RBM4B: variants seen among roughly 807,000 people sequenced by gnomAD.
The protein encoded by RBM4B is RNA-binding protein 4B.
RBM4B carries 13 observed loss-of-function variants against 28.5 expected under a neutral mutation model. The ratio of observed to expected loss-of-function variants is 0.46; its 90% CI spans 0.30 to 0.72. The LOEUF (loss-of-function observed/expected upper bound fraction) is 0.72, where lower values mean the gene tolerates loss of function less well. Among genes scored for constraint, RBM4B ranks in the 30% least tolerant of loss-of-function variants. RBM4B has a pLI of 0.09. For synonymous variants in RBM4B, 167 were observed against 179.1 expected (o/e 0.93, Z 0.54); for missense variants, 387 against 477.6 (o/e 0.81, Z 1.77).
intron 3 of RBM4B, chr11:66,666,199 A>C: frequency 1.2e-6 from 1 of 860,762 alleles, no homozygotes; most frequent in South Asian, 2.4e-5. Flanking sequence ...TCATTCCTAG[A>C]ATTCTCTAAT....
At chr11:66,673,419 CAT>C (rs1939532990) in intron 2 of RBM4B, among the ~76,000 whole-genome samples, 8 of 152,182 alleles carry the variant, frequency 5.3e-5, no homozygotes, top group Admixed American at 5.2e-4. Context: ...CAGCCATTAA[CAT>C]ATAGAAATAA....
chr11:66,677,213 T>G, intron 1 of RBM4B, 122 bp from the exon 2 acceptor site: 9 of 1,227,080 alleles, frequency 7.3e-6, no homozygotes, highest in Non-Finnish European at 9.1e-6. Flanking sequence ...CAGACATTCA[T>G]TATTCTTCCT....
At chr11:66,675,999 A>T (rs189884109) in intron 2 of RBM4B, 1 of 152,802 alleles carries the variant, frequency 6.5e-6, no homozygotes, top group African/African-American at 2.4e-5. Context: ...CGATGCTTGT[A>T]CTGAAATTTC....
intron 2 of RBM4B, among the ~76,000 whole-genome samples, chr11:66,674,150 CT>C (rs1326098144): frequency 6.6e-6 from 1 of 151,568 alleles, no homozygotes; most frequent in Non-Finnish European, 1.5e-5. Context: ...CCTAAGCCAA[CT>C]CCCCCCAATT....
In RBM4B at chr11:66,668,939, T is replaced by C; in HGVS notation, c.765A>G (p.Gln255=). Residue 255 remains glutamine, a synonymous_variant, in exon 3 of 4, where the codon CAA becomes CAG. Coordinates refer to ENST00000310046, the MANE Select transcript of RBM4B (RefSeq NM_031492.4). The part of the protein sequence containing the change: ...EQTMSHLPQV[Q]STTVTSHLNS... ...TGAGGTGGCTGGTCACAGTTGTGCT[T>C]TGGACTTGAGGCAGATGGGACATGG... 6.2e-7 allele frequency: 1 copy of C among 1,614,132 alleles called. No individual in the cohort carries two copies.
chr11:66,665,630 G>A, intron 3 of RBM4B, 52 bp from the exon 4 acceptor site: 4 of 1,535,410 alleles, frequency 2.6e-6, no homozygotes, highest in Non-Finnish European at 2.6e-6. Context: ...AGAGCAGCCT[G>A]GCTCCGCGTA....
At chr11:66,671,708 T>C (rs1036666469) in intron 2 of RBM4B, among the ~76,000 whole-genome samples, 2 of 152,076 alleles carry the variant, frequency 1.3e-5, no homozygotes, top group Admixed American at 6.6e-5. Context: ...CTCTGTGTAG[T>C]TGTGAAAAGG....
Position 66,669,213 on chromosome 11 carries a change from C to T in RBM4B, c.491G>A (p.Arg164Gln), listed in dbSNP as rs145285259. The change falls in exon 3 of 4, where the codon CGG becomes CAG. Residue 164 changes from arginine to glutamine, a missense_variant. Physicochemically the swap from Arg to Gln is conservative, Grantham distance 43. Transcript: ENST00000310046. The part of the protein sequence containing the change: ...PGMGDQSGCY[R>Q]CGKEGHWSKE... ...GGACCAGTGCCCTTCTTTCCCACAC[C>T]GATAGCAGCCACTCTGGTCTCCCAT... 18 of 1,614,062 alleles carry T rather than the reference C, an allele frequency of 1.1e-5. No homozygotes were observed. The highest frequency in any genetic ancestry group is 1.0e-4 in the Admixed American group (6 of 59,996).
chr11:66,674,287 G>C (rs1939570137), intron 2 of RBM4B, among the ~76,000 whole-genome samples: 1 of 145,234 alleles, frequency 6.9e-6, no homozygotes, highest in Non-Finnish European at 1.5e-5. Context: ...ACAGTGGCAT[G>C]ATCTCGGCTC....
chr11:66,674,817 G>A (rs1242656161), intron 2 of RBM4B, among the ~76,000 whole-genome samples: 2 of 152,042 alleles, frequency 1.3e-5, no homozygotes, highest in African/African-American at 4.8e-5. Context: ...TGATCCACCC[G>A]CCTTGGCCTC....
intron 1 of RBM4B, chr11:66,677,356 G>C (rs924040225): frequency 3.8e-6 from 2 of 520,788 alleles, no homozygotes; most frequent in Non-Finnish European, 6.8e-6. Flanking sequence ...ACCAGAATTA[G>C]CTGCTTCATG....
chr11:66,674,221 TTTTC>T (rs781025012), intron 2 of RBM4B, among the ~76,000 whole-genome samples: 34 of 150,082 alleles, frequency 2.3e-4, no homozygotes, highest in Non-Finnish European at 2.4e-4. Flanking sequence ...TTTCTTTTTC[TTTTC>T]TTTCTTTTTT....
chr11:66,671,109 C>T (rs1327387714), intron 2 of RBM4B: 6 of 682,410 alleles, frequency 8.8e-6, no homozygotes, highest in Non-Finnish European at 1.6e-5. Flanking sequence ...TCAAAGAGTC[C>T]TATCACTCCA....
chr11:66,670,894 TC>T (rs1565094456), intron 2 of RBM4B: 2 of 701,534 alleles, frequency 2.9e-6, no homozygotes, highest in Non-Finnish European at 2.6e-6. Flanking sequence ...TGAGAACAAA[TC>T]CCCCCTCTGC....
At position 66,676,969 on chromosome 11, in the gene RBM4B, G is replaced by A. The variant is rs1939658960; in HGVS notation, c.111C>T (p.Tyr37=). Residue 37 remains tyrosine, a synonymous_variant, in exon 2 of 4, where the codon TAC becomes TAT. Coordinates refer to ENST00000310046, the MANE Select transcript of RBM4B (RefSeq NM_031492.4). ...TCTTGTCTTCTATGTGCACAAAGCC[G>A]TAATTCTTAATGATGTCACATTCCA... is the stretch of plus-strand genomic sequence containing the variant. The part of the protein sequence containing the change: ...KVLECDIIKN[Y]GFVHIEDKTA... 1.9e-6 allele frequency: 3 copies of A among 1,614,148 alleles called. No homozygotes were observed. The highest frequency in any genetic ancestry group is 2.5e-6 in the Non-Finnish European group (3 of 1,180,024).
intron 2 of RBM4B, among the ~76,000 whole-genome samples, chr11:66,672,509 G>A (rs1414532208): frequency 4.6e-5 from 7 of 150,854 alleles, no homozygotes; most frequent in Admixed American, 6.6e-5. Context: ...TTTTTTTGGG[G>A]GGGGGGGACA....
intron 2 of RBM4B, among the ~76,000 whole-genome samples, chr11:66,674,133 T>C (rs1939555348): frequency 6.6e-6 from 1 of 151,956 alleles, no homozygotes; most frequent in Non-Finnish European, 1.5e-5. Context: ...TTAAAACACA[T>C]ATTCATCCTA....
rs146179809 is a variant in RBM4B at position 66,670,339 on chromosome 11, A to G, written c.413-1048T>C. 9.6e-3 allele frequency among the ~76,000 whole-genome samples: 1,449 copies of G among 151,306 alleles called. 13 individuals are homozygous for G. The highest frequency in any genetic ancestry group is 0.013 in the Non-Finnish European group (914 of 67,944). ...GCTTTCTTAGGGACAGTGTCTTGAC[A>G]TGTAATGAAATGACTGTCATTTCAT... On this transcript the variant is annotated intron_variant, in intron 2 of 3. Transcript: ENST00000310046.
At position 66,676,874 on chromosome 11, in the gene RBM4B, G is replaced by A. The variant is rs752083235; in HGVS notation, c.206C>T (p.Ala69Val). The A allele has an allele frequency of 6.2e-7, 1 of 1,614,128 alleles. No homozygotes were observed. The highest frequency in any genetic ancestry group is 1.7e-5 in the Admixed American group (1 of 59,994). ...TGAAGCTTTGCTCTTATTCTTGCTG[G>A]CTTCCACGTTGATGTTCACCCCATG... Reference protein sequence around the residue: ...KLHGVNINVEASKNKSKASTK... With the variant: ...KLHGVNINVEVSKNKSKASTK... Residue 69 changes from alanine (A) to valine (V), a missense_variant, in exon 2 of 4, where the codon GCC becomes GTC. By Grantham distance (64) the Ala-to-Val change is moderately conservative. Around this residue, in one of 2 missense-constraint regions of RBM4B, gnomAD observed 161 missense variants for 256.9 expected, o/e 0.63. Coordinates refer to ENST00000310046, the MANE Select transcript of RBM4B (RefSeq NM_031492.4).
Sources: allele counts gnomAD v4.1 joint callset (sites outside exome capture counted in the v4.1 genomes callset), GRCh38; gene constraint gnomAD v4.1.1; regional missense constraint gnomAD v4.1.1; transcripts MANE v1.5; gene names NCBI Gene and HGNC (gene_info 2026-07-23, HGNC 2026-07-21).